MBD5: variants seen among roughly 807,000 people sequenced by gnomAD.
The protein encoded by MBD5 is methyl-CpG binding domain protein 5, also known as methyl-CpG-binding domain protein 5.
A neutral mutation model predicts 117.3 loss-of-function variants in MBD5; 13 were observed. That is an observed-to-expected ratio of 0.11 (90% CI 0.07 to 0.18). MBD5 has a LOEUF of 0.18. MBD5 is among the 10% of genes least tolerant of loss of function. The pLI, the probability that MBD5 is intolerant of heterozygous loss-of-function variation, is 1.00. For missense variants in MBD5, 1,879 were observed against 2,093.8 expected (o/e 0.90, Z 2.00); for synonymous variants, 727 against 766.4 (o/e 0.95, Z 0.85).
chr2:148,111,345 G>A (rs945638677), intron 1 of MBD5, among the ~76,000 whole-genome samples: 6 of 151,962 alleles, frequency 3.9e-5, no homozygotes, highest in African/African-American at 1.4e-4. Context: ...CTAACCACGG[G>A]GAATTTACCA....
chr2:148,226,138 G>C (rs555969647), intron 2 of MBD5, among the ~76,000 whole-genome samples: 5 of 150,904 alleles, frequency 3.3e-5, no homozygotes, highest in African/African-American at 1.2e-4. Flanking sequence ...TATACTTTAA[G>C]TTTTAGGGTA....
intron 1 of MBD5, among the ~76,000 whole-genome samples, chr2:148,174,354 A>G (rs1170817536): frequency 1.3e-5 from 2 of 152,178 alleles, no homozygotes; most frequent in African/African-American, 4.8e-5. Flanking sequence ...TAAAACTCCT[A>G]GAAGAAAACT....
intron 3 of MBD5, among the ~76,000 whole-genome samples, chr2:148,253,307 A>G (rs1040382546): frequency 3.9e-5 from 6 of 152,230 alleles, no homozygotes; most frequent in Non-Finnish European, 8.8e-5. Flanking sequence ...TTTGTACAGT[A>G]AAATTTCACT....
At chr2:148,277,090 A>G (rs887433298) in intron 3 of MBD5, among the ~76,000 whole-genome samples, 6 of 152,182 alleles carry the variant, frequency 3.9e-5, no homozygotes, top group Non-Finnish European at 8.8e-5. Flanking sequence ...CAGTATTTAT[A>G]GAGTGTTATG....
At chr2:148,444,753 G>T (rs188431329) in intron 4 of MBD5, among the ~76,000 whole-genome samples, 1 of 150,704 alleles carries the variant, frequency 6.6e-6, no homozygotes, top group Non-Finnish European at 1.5e-5. Context: ...TAATTAGCAC[G>T]CCATACTTAG....
chr2:148,147,232 TTTTATTTTA>T (rs1046925430), intron 1 of MBD5, among the ~76,000 whole-genome samples: 1 of 151,598 alleles, frequency 6.6e-6, no homozygotes, highest in African/African-American at 2.4e-5. Flanking sequence ...ATTTATTTAT[TTTTATTTTA>T]TTTATTTTAT....
In MBD5 at chr2:148,458,483, T is replaced by C; in HGVS notation, c.-276T>C. ...TACCAGCATTGGTGAATTATGATTT[T>C]CCTTAGTCAGAAGCACTCATTTTTA... On this transcript the variant is annotated 5_prime_UTR_variant, in exon 5 of 14. Transcript: ENST00000642680. The C allele has an allele frequency of 3.4e-6, 2 of 581,900 alleles. No homozygotes were observed. The highest frequency in any genetic ancestry group is 2.8e-5 in the East Asian group (1 of 36,146). 36.0% of individuals were successfully genotyped at this position (581,900 alleles called of 1,614,324 possible). A position where few individuals can be genotyped will look rare whatever the true frequency, so the allele number is the denominator to read the frequency against.
intron 3 of MBD5, among the ~76,000 whole-genome samples, chr2:148,275,269 A>G (rs1255508623): frequency 6.6e-6 from 1 of 151,986 alleles, no homozygotes; most frequent in Admixed American, 6.6e-5. Flanking sequence ...TCCCAGTATT[A>G]TTTCTTTGAT....
At chr2:148,077,608 T>TA (rs1310061132) in intron 1 of MBD5, among the ~76,000 whole-genome samples, 1 of 152,116 alleles carries the variant, frequency 6.6e-6, no homozygotes, top group Non-Finnish European at 1.5e-5. Flanking sequence ...AAAAACAATA[T>TA]ATAGTGTCCT....
chr2:148,082,592 T>C (rs1695671376), intron 1 of MBD5, among the ~76,000 whole-genome samples: 1 of 152,208 alleles, frequency 6.6e-6, no homozygotes, highest in African/African-American at 2.4e-5. Flanking sequence ...CTGCTAAATG[T>C]TGGAATAAGT....
chr2:148,311,717 T>C (rs1361370273), intron 3 of MBD5, among the ~76,000 whole-genome samples: 6 of 152,214 alleles, frequency 3.9e-5, no homozygotes, highest in Non-Finnish European at 7.3e-5. Flanking sequence ...ATTTTGCCTG[T>C]TAGTTGATGC....
chr2:148,391,897 A>G (rs1704581295), intron 4 of MBD5, among the ~76,000 whole-genome samples: 2 of 152,174 alleles, frequency 1.3e-5, no homozygotes, highest in Admixed American at 6.5e-5. Context: ...CTACAAAAGG[A>G]TATTTCCCTT....
chr2:148,040,478 C>G (rs1455724011), intron 1 of MBD5, among the ~76,000 whole-genome samples: 1 of 152,126 alleles, frequency 6.6e-6, no homozygotes, highest in East Asian at 1.9e-4. Context: ...AATTCTATCT[C>G]TCTGTGATCT....
intron 1 of MBD5, among the ~76,000 whole-genome samples, chr2:148,168,197 A>G (rs945501049): frequency 6.6e-6 from 1 of 152,200 alleles, no homozygotes. Context: ...ACCATGATTC[A>G]GAAGGAATTT....
At chr2:148,258,575 A>G (rs904835552) in intron 3 of MBD5, among the ~76,000 whole-genome samples, 4 of 152,044 alleles carry the variant, frequency 2.6e-5, no homozygotes, top group African/African-American at 4.8e-5. Context: ...ACAGCTCTAC[A>G]TGTCCTCCTG....
At chr2:148,504,504 T>A (rs2105239016) in intron 12 of MBD5, among the ~76,000 whole-genome samples, 1 of 152,312 alleles carries the variant, frequency 6.6e-6, no homozygotes, top group Middle Eastern at 3.4e-3. Flanking sequence ...TATGCATTTA[T>A]TCCCAATTTA....
At chr2:148,326,035 G>A (rs1346594046) in intron 3 of MBD5, among the ~76,000 whole-genome samples, 2 of 152,034 alleles carry the variant, frequency 1.3e-5, no homozygotes, top group African/African-American at 4.8e-5. Context: ...GGTATGTTGT[G>A]TCTTTGTTCT....
intron 3 of MBD5, among the ~76,000 whole-genome samples, chr2:148,277,904 A>G (rs1701152260): frequency 6.6e-6 from 1 of 152,240 alleles, no homozygotes; most frequent in African/African-American, 2.4e-5. Context: ...TAATTAAGAT[A>G]TAATTTGCAT....
At chr2:148,472,706 C>T (rs1680835340) in intron 8 of MBD5, among the ~76,000 whole-genome samples, 1 of 152,086 alleles carries the variant, frequency 6.6e-6, no homozygotes, top group Non-Finnish European at 1.5e-5. Context: ...AAATGATAGT[C>T]ACAGCTTTTC....
Sources: gnomAD v4.1 joint callset for allele counts (sites outside exome capture counted in the v4.1 genomes callset) on GRCh38, gnomAD v4.1.1 for gene constraint, MANE v1.5 for transcripts, NCBI Gene and HGNC (gene_info 2026-07-23, HGNC 2026-07-21) for gene names.